Variants in QRFPR observed in about 807,000 individuals in gnomAD.
The protein encoded by QRFPR is pyroglutamylated RF-amide peptide receptor.
QRFPR carries 37 observed loss-of-function variants against 31.3 expected under a neutral mutation model. The ratio of observed to expected loss-of-function variants is 1.18; its 90% CI spans 0.91 to 1.56. The LOEUF (loss-of-function observed/expected upper bound fraction) is 1.56, where lower values mean the gene tolerates loss of function less well. QRFPR is among the 40% of genes most tolerant of loss of function. QRFPR has a pLI of 0.00. For synonymous variants in QRFPR, 197 were observed against 192.0 expected, an observed-to-expected ratio of 1.03 and a Z score of -0.22; for missense variants, 542 against 532.5, an observed-to-expected ratio of 1.02 and a Z score of -0.18.
At chr4:121,378,286 A>G (rs2110487201) in intron 1 of QRFPR, among the ~76,000 whole-genome samples, 1 of 152,336 alleles carries the variant, frequency 6.6e-6, no homozygotes, top group Admixed American at 6.5e-5. Context: ...GGGAGAAAAG[A>G]AAACTTGAGA....
At chr4:121,375,762 G>A (rs574732455) in intron 1 of QRFPR, among the ~76,000 whole-genome samples, 1 of 152,278 alleles carries the variant, frequency 6.6e-6, no homozygotes, top group Admixed American at 6.5e-5. Flanking sequence ...CAAAATAAGA[G>A]AAAGATTGAG....
chr4:121,367,307 G>A (rs564325343), intron 1 of QRFPR, among the ~76,000 whole-genome samples: 3 of 150,044 alleles, frequency 2.0e-5, no homozygotes, highest in Admixed American at 6.6e-5. Flanking sequence ...ATCAGCTTCA[G>A]TCCCAACAAA....
At chr4:121,372,135 G>A (rs571403141) in intron 1 of QRFPR, among the ~76,000 whole-genome samples, 1 of 152,258 alleles carries the variant, frequency 6.6e-6, no homozygotes, top group South Asian at 2.1e-4. Context: ...AAACCAAACG[G>A]GAGATAGATA....
chr4:121,348,882 G>A (rs146154752), intron 1 of QRFPR, among the ~76,000 whole-genome samples: 1 of 152,068 alleles, frequency 6.6e-6, no homozygotes, highest in Non-Finnish European at 1.5e-5. Flanking sequence ...CTGATCATGA[G>A]GTCAGGAGAT....
intron 1 of QRFPR, among the ~76,000 whole-genome samples, chr4:121,365,648 T>TA (rs1560744277): frequency 4.4e-5 from 1 of 22,510 alleles, no homozygotes; most frequent in African/African-American, 2.3e-4. Context: ...ATTTTATATA[T>TA]TATATATTAT....
chr4:121,380,192 A>G (rs1200509969), intron 1 of QRFPR, 116 bp downstream of exon 1: 4 of 154,016 alleles, frequency 2.6e-5, no homozygotes, highest in Admixed American at 2.2e-4. Flanking sequence ...GAGAGGAGAG[A>G]GAGAGAGAGA....
intron 1 of QRFPR, among the ~76,000 whole-genome samples, chr4:121,362,708 G>T (rs11726105): frequency 0.27 from 40,818 of 149,246 alleles, 7,727 homozygotes; most frequent in Non-Finnish European, 0.35. Context: ...AGCAAGACAA[G>T]AAAATGGAGA....
Position 121,344,841 on chromosome 4 carries a change from A to G in QRFPR, c.341-4231T>C, listed in dbSNP as rs553305332. Reference sequence around the variant, plus strand: ...CTTATTCTACCCTTTATCTTTCCCAATGTGAATTGTATGGGTCTAAATTAT... The same window carrying G: ...CTTATTCTACCCTTTATCTTTCCCAGTGTGAATTGTATGGGTCTAAATTAT... On this transcript the variant is annotated intron_variant, in intron 1 of 5. Coordinates refer to ENST00000394427, the MANE Select transcript of QRFPR (RefSeq NM_198179.3). 5.3e-4 allele frequency among the ~76,000 whole-genome samples: 80 copies of G among 152,104 alleles called. 1 individual carries two copies. In the South Asian group the frequency reaches 0.016, roughly 30 times the overall value.
At chr4:121,335,918 C>T (rs1479679837) in intron 3 of QRFPR, among the ~76,000 whole-genome samples, 1 of 151,998 alleles carries the variant, frequency 6.6e-6, no homozygotes, top group Non-Finnish European at 1.5e-5. Context: ...TTCCAGGTAG[C>T]AAGGGATAAA....
chr4:121,330,872 A>T (rs1397978021), intron 4 of QRFPR, among the ~76,000 whole-genome samples: 1 of 152,136 alleles, frequency 6.6e-6, no homozygotes, highest in Admixed American at 6.6e-5. Context: ...TGTATCTTGG[A>T]TGTGAATTTA....
chr4:121,379,965 G>A (rs1726439679), intron 1 of QRFPR, among the ~76,000 whole-genome samples: 1 of 151,946 alleles, frequency 6.6e-6, no homozygotes. Context: ...AGTGGCGAGG[G>A]GTGCGACTTC....
At chr4:121,334,251 T>G (rs997517938) in intron 3 of QRFPR, among the ~76,000 whole-genome samples, 1 of 152,220 alleles carries the variant, frequency 6.6e-6, no homozygotes, top group South Asian at 2.1e-4. Context: ...GTCCTGACTG[T>G]GGACTTCAGC....
Position 121,380,391 on chromosome 4 carries a change from G to A in QRFPR, c.257C>T (p.Ser86Phe), listed in dbSNP as rs1261013880. 2 of 1,614,218 alleles carry A rather than the reference G, an allele frequency of 1.2e-6. No individual in the cohort carries two copies. The highest frequency in any genetic ancestry group is 1.7e-6 in the Non-Finnish European group (2 of 1,180,038). The change falls in exon 1 of 6, where the codon TCC becomes TTC. Residue 86 changes from serine to phenylalanine, a missense_variant. Transcript: ENST00000394427. ...GATGAGCAGGTCACTGAGCGCCAAG[G>A]AGCAGATAAAGATGTTGGTGACGGT... Reference protein sequence around the residue: ...MRTVTNIFICSLALSDLLITF... With the variant: ...MRTVTNIFICFLALSDLLITF...
chr4:121,331,790 T>C (rs1362639672), intron 4 of QRFPR, among the ~76,000 whole-genome samples: 2 of 151,894 alleles, frequency 1.3e-5, no homozygotes, highest in African/African-American at 4.8e-5. Context: ...GTAGCTGGGA[T>C]TACAGGCACC....
At chr4:121,376,693 G>C (rs1170623328) in intron 1 of QRFPR, among the ~76,000 whole-genome samples, 1 of 152,174 alleles carries the variant, frequency 6.6e-6, no homozygotes, top group African/African-American at 2.4e-5. Context: ...ACTGGGCTCT[G>C]TAAGGCAGTG....
intron 1 of QRFPR, among the ~76,000 whole-genome samples, chr4:121,343,423 C>A (rs954990850): frequency 3.3e-5 from 5 of 152,170 alleles, no homozygotes; most frequent in African/African-American, 1.2e-4. Context: ...CACTTCTATT[C>A]CTTGTTACAA....
At chr4:121,364,185 T>C (rs996299291) in intron 1 of QRFPR, among the ~76,000 whole-genome samples, 3 of 149,580 alleles carry the variant, frequency 2.0e-5, no homozygotes, top group African/African-American at 5.0e-5. Context: ...ATGCCTACAG[T>C]CCAGGGTGGC....
intron 2 of QRFPR, 163 bp downstream of exon 2, chr4:121,340,289 G>T: frequency 1.4e-6 from 1 of 697,860 alleles, no homozygotes; most frequent in Non-Finnish European, 2.4e-6. Flanking sequence ...AAGAGAGATG[G>T]TGTGGAGATG....
intron 1 of QRFPR, among the ~76,000 whole-genome samples, chr4:121,378,007 C>T (rs1045607958): frequency 6.6e-6 from 1 of 152,070 alleles, no homozygotes; most frequent in Non-Finnish European, 1.5e-5. Context: ...ACCTCTCCCT[C>T]GCACTTCAAT....
Sources: gnomAD v4.1 joint callset for allele counts (sites outside exome capture counted in the v4.1 genomes callset) on GRCh38, gnomAD v4.1.1 for gene constraint, MANE v1.5 for transcripts, NCBI Gene and HGNC (gene_info 2026-07-23, HGNC 2026-07-21) for gene names.